CADPS: variants seen among roughly 807,000 people sequenced by gnomAD.
CADPS encodes calcium dependent secretion activator.
CADPS carries 57 observed loss-of-function variants against 167.3 expected under a neutral mutation model. The observed-to-expected ratio is 0.34, with a 90% confidence interval of 0.28 to 0.42. The LOEUF is 0.42. Ranked by LOEUF, CADPS falls within the 20% of genes least tolerant of loss-of-function variation. CADPS has a pLI of 1.00. For missense variants in CADPS, 1,414 were observed against 1,738.1 expected, an observed-to-expected ratio of 0.81 and a Z score of 3.32; for synonymous variants, 676 against 635.3, an observed-to-expected ratio of 1.06 and a Z score of -0.96.
At chr3:62,521,630 C>T (rs910244695) in intron 13 of CADPS, among the ~76,000 whole-genome samples, 6 of 152,146 alleles carry the variant, frequency 3.9e-5, no homozygotes, top group South Asian at 2.1e-4. Flanking sequence ...TAGAAAATTC[C>T]AGGCTGAGAT....
In CADPS at chr3:62,624,011, C is replaced by T. The variant is rs922717936; in HGVS notation, c.1325+21711G>A. Among the ~76,000 whole-genome samples the T allele has an allele frequency of 8.6e-5, 13 of 151,696 alleles. No individual in the cohort carries two copies. In the East Asian group the frequency reaches 1.2e-3, roughly 14 times the overall value. ...CTACTCAGTTTATAGTTATAGATTT[C>T]TTTCTTCTCTAGTCCTTTTATGCCA... On this transcript the variant is annotated intron_variant, in intron 6 of 29. Coordinates refer to ENST00000383710, the MANE Select transcript of CADPS (RefSeq NM_003716.4).
At chr3:62,553,820 C>T (rs17066569) in intron 10 of CADPS, among the ~76,000 whole-genome samples, 1 of 152,198 alleles carries the variant, frequency 6.6e-6, no homozygotes, top group Non-Finnish European at 1.5e-5. Context: ...GTCATAACCA[C>T]AAGGCCATCA....
chr3:62,805,272 T>A (rs1188911106), intron 1 of CADPS, among the ~76,000 whole-genome samples: 4 of 152,200 alleles, frequency 2.6e-5, no homozygotes, highest in Non-Finnish European at 4.4e-5. Context: ...CAAGCGCTGC[T>A]TTCTGTGCCC....
At chr3:62,638,085 ATATATATATG>A (rs200147595) in intron 6 of CADPS, among the ~76,000 whole-genome samples, 429 of 27,020 alleles carry the variant, frequency 0.016, 9 homozygotes, top group South Asian at 0.068. Flanking sequence ...CATTATATAT[ATATATATATG>A]TATATATATA....
At position 62,726,666 on chromosome 3, in the gene CADPS, A is replaced by G. The variant is rs564768332; in HGVS notation, c.888+26775T>C. ...TGCGATAGCTTTGAGTGACCCATTA[A>G]GTGTATTGATCAATTGCTAATAATA... On this transcript the variant is annotated intron_variant, in intron 3 of 29. Coordinates refer to ENST00000383710, the MANE Select transcript of CADPS (RefSeq NM_003716.4). Among the ~76,000 whole-genome samples the G allele has an allele frequency of 3.3e-5, 5 of 152,066 alleles. No homozygotes were observed. The South Asian group carries it at 8.3e-4, about 25-fold the overall frequency.
At chr3:62,737,953 T>C (rs1224714997) in intron 3 of CADPS, among the ~76,000 whole-genome samples, 1 of 152,142 alleles carries the variant, frequency 6.6e-6, no homozygotes, top group Non-Finnish European at 1.5e-5. Flanking sequence ...TATGACATAA[T>C]ATACTTTTTT....
chr3:62,445,622 G>A (rs1347112478), intron 27 of CADPS, 143 bp downstream of exon 27: 4 of 504,358 alleles, frequency 7.9e-6, no homozygotes, highest in East Asian at 7.0e-5. Context: ...GCTTCTTTCT[G>A]ATGATCCAAG....
Position 62,592,751 on chromosome 3 carries a change from G to A in CADPS, c.1326-3C>T, listed in dbSNP as rs1468680209. 5 of 1,607,954 alleles carry A rather than the reference G, an allele frequency of 3.1e-6. No individual in the cohort carries two copies. The highest frequency in any genetic ancestry group is 1.3e-5 in the African/African-American group (1 of 74,784). On this transcript the variant is annotated splice_region_variant and splice_polypyrimidine_tract_variant and intron_variant, in intron 6 of 29. Coordinates refer to ENST00000383710, the MANE Select transcript of CADPS (RefSeq NM_003716.4). ...AGAAGTCACCCTGGGTGCCCCAGCT[G>A]CAGACAGAATCAAAGAGGTCATTGT...
At chr3:62,839,422 C>G (rs1469959247) in intron 1 of CADPS, among the ~76,000 whole-genome samples, 1 of 151,986 alleles carries the variant, frequency 6.6e-6, no homozygotes, top group Non-Finnish European at 1.5e-5. Flanking sequence ...ACTCCATGGT[C>G]AGGGACTTTC....
In CADPS at chr3:62,648,244, T is replaced by C. The variant is rs2069044070; in HGVS notation, c.1204-2401A>G. ...ATTCAGTGTTCTATTTAAAAAGTAT[T>C]TGGGGATCCTAGGACATTTCTTTCT... On this transcript the variant is annotated intron_variant, in intron 5 of 29. Coordinates refer to ENST00000383710, the MANE Select transcript of CADPS (RefSeq NM_003716.4). Among the ~76,000 whole-genome samples, 4 of 152,166 alleles carry C rather than the reference T, an allele frequency of 2.6e-5. 1 individual carries two copies. The highest frequency in any genetic ancestry group is 2.0e-4 in the Admixed American group (3 of 15,260).
intron 1 of CADPS, among the ~76,000 whole-genome samples, chr3:62,823,218 C>T (rs2073351463): frequency 1.3e-5 from 2 of 152,162 alleles, no homozygotes; most frequent in South Asian, 4.1e-4. Context: ...AACAGGAATA[C>T]TTGTGCTGCT....
intron 6 of CADPS, among the ~76,000 whole-genome samples, chr3:62,639,311 C>CTCCACGTT (rs1425849414): frequency 6.6e-6 from 1 of 152,162 alleles, no homozygotes; most frequent in Non-Finnish European, 1.5e-5. Flanking sequence ...AGTATCCAAG[C>CTCCACGTT]TCCACGTTCT....
chr3:62,570,857 TG>T lies in CADPS; in HGVS notation c.1644+14del. On this transcript the variant is annotated intron_variant, in intron 9 of 29. Coordinates refer to ENST00000383710, the MANE Select transcript of CADPS (RefSeq NM_003716.4). ...TTTAATACTGATGTCTCTTAAGAGT[TG>T]AAGAGTTAGTTACCTGCACCAATAC... The T allele has an allele frequency of 7.7e-6, 12 of 1,560,486 alleles. No individual in the cohort carries two copies. The highest frequency in any genetic ancestry group is 1.1e-5 in the Non-Finnish European group (12 of 1,131,100).
intron 27 of CADPS, among the ~76,000 whole-genome samples, chr3:62,443,809 G>T (rs2056774442): frequency 6.6e-6 from 1 of 152,108 alleles, no homozygotes; most frequent in Non-Finnish European, 1.5e-5. Flanking sequence ...TGTCTTCATA[G>T]TAGCATGAAA....
intron 6 of CADPS, among the ~76,000 whole-genome samples, chr3:62,610,032 A>C (rs2061278995): frequency 1.3e-5 from 2 of 152,026 alleles, no homozygotes; most frequent in African/African-American, 2.4e-5. Context: ...GAGGCTGTAG[A>C]GAGTCAAGAC....
At chr3:62,873,469 A>C (rs545951221) in intron 1 of CADPS, among the ~76,000 whole-genome samples, 2 of 152,220 alleles carry the variant, frequency 1.3e-5, no homozygotes, top group African/African-American at 2.4e-5. Context: ...TATTTAAAAG[A>C]GAACAGAACG....
chr3:62,497,612 G>A (rs1258355417), intron 18 of CADPS, among the ~76,000 whole-genome samples: 2 of 152,198 alleles, frequency 1.3e-5, no homozygotes, highest in South Asian at 4.1e-4. Context: ...ATGGCTGTGC[G>A]TTGCGGATAG....
chr3:62,722,167 T>C (rs1367733898), intron 3 of CADPS, among the ~76,000 whole-genome samples: 1 of 152,202 alleles, frequency 6.6e-6, no homozygotes, highest in Non-Finnish European at 1.5e-5. Context: ...TTCACTTAGG[T>C]TGTCTGGCTC....
intron 11 of CADPS, among the ~76,000 whole-genome samples, chr3:62,547,957 G>A (rs956753942): frequency 4.6e-5 from 7 of 152,060 alleles, no homozygotes; most frequent in Admixed American, 3.9e-4. Context: ...CTTAATCTGG[G>A]CAGATGATAG....
Sources: allele counts gnomAD v4.1 joint callset (sites outside exome capture counted in the v4.1 genomes callset), GRCh38; gene constraint gnomAD v4.1.1; transcripts MANE v1.5; gene names NCBI Gene and HGNC (gene_info 2026-07-23, HGNC 2026-07-21).